Variants in GRID2 observed in about 807,000 individuals in gnomAD.
GRID2 encodes the protein glutamate ionotropic receptor delta type subunit 2.
A neutral mutation model predicts 114.8 loss-of-function variants in GRID2; 33 were observed. That is an observed-to-expected ratio of 0.29 (90% CI 0.22 to 0.38). The LOEUF (loss-of-function observed/expected upper bound fraction) is 0.38, where lower values mean the gene tolerates loss of function less well. Among genes scored for constraint, GRID2 ranks in the 10% least tolerant of loss-of-function variants. The pLI, the probability that GRID2 is intolerant of heterozygous loss-of-function variation, is 1.00. For synonymous variants in GRID2, 505 were observed against 449.9 expected (o/e 1.12, Z -1.55); for missense variants, 1,184 against 1,257.7 (o/e 0.94, Z 0.89).
chr4:93,409,773 C>T (rs2149350721), intron 9 of GRID2, among the ~76,000 whole-genome samples: 1 of 152,300 alleles, frequency 6.6e-6, no homozygotes, highest in South Asian at 2.1e-4. Context: ...CACCAGAGGG[C>T]ATTGGATTCA....
chr4:92,700,875 C>G (rs1734640740), intron 2 of GRID2, among the ~76,000 whole-genome samples: 1 of 151,864 alleles, frequency 6.6e-6, no homozygotes, highest in African/African-American at 2.4e-5. Flanking sequence ...GCCTGTAGTC[C>G]CAGCTACGCG....
At chr4:93,503,529 T>A (rs1456164940) in intron 12 of GRID2, among the ~76,000 whole-genome samples, 1 of 138,550 alleles carries the variant, frequency 7.2e-6, no homozygotes. Flanking sequence ...CCTGTGTCCA[T>A]GTGTTCTCAT....
At chr4:93,236,256 T>C (rs532311730) in intron 7 of GRID2, among the ~76,000 whole-genome samples, 2 of 151,930 alleles carry the variant, frequency 1.3e-5, no homozygotes, top group Non-Finnish European at 2.9e-5. Context: ...CCGGAATAGA[T>C]TGGCAAGAAT....
At chr4:93,303,423 T>C (rs2149172025) in intron 8 of GRID2, among the ~76,000 whole-genome samples, 1 of 152,276 alleles carries the variant, frequency 6.6e-6, no homozygotes, top group African/African-American at 2.4e-5. Context: ...TTCCAGAGAA[T>C]TGTTTACATT....
intron 8 of GRID2, among the ~76,000 whole-genome samples, chr4:93,250,264 A>T (rs180984238): frequency 6.6e-6 from 1 of 152,152 alleles, no homozygotes; most frequent in Non-Finnish European, 1.5e-5. Flanking sequence ...CAAACACTGC[A>T]TGTTCTCACT....
intron 1 of GRID2, among the ~76,000 whole-genome samples, chr4:92,534,130 T>A (rs1281596908): frequency 2.0e-5 from 3 of 152,066 alleles, no homozygotes; most frequent in African/African-American, 7.2e-5. Context: ...GTCTAACAAT[T>A]TCTTATTTTT....
chr4:92,461,160 T>C (rs1052556011), intron 1 of GRID2, among the ~76,000 whole-genome samples: 5 of 151,884 alleles, frequency 3.3e-5, no homozygotes, highest in Non-Finnish European at 5.9e-5. Flanking sequence ...AAGTAAAATA[T>C]TTTATCAGGT....
chr4:92,311,809 G>T (rs1436892450), intron 1 of GRID2, among the ~76,000 whole-genome samples: 1 of 151,912 alleles, frequency 6.6e-6, no homozygotes, highest in African/African-American at 2.4e-5. Context: ...ATTTTATTCT[G>T]AATTTACTCT....
chr4:93,345,286 A>G (rs1002020804), intron 8 of GRID2, among the ~76,000 whole-genome samples: 1 of 152,018 alleles, frequency 6.6e-6, no homozygotes, highest in African/African-American at 2.4e-5. Context: ...GTCTATAAGC[A>G]TTCCCTTTTG....
intron 2 of GRID2, among the ~76,000 whole-genome samples, chr4:92,894,279 C>A (rs1444044479): frequency 9.9e-5 from 15 of 151,960 alleles, no homozygotes; most frequent in Admixed American, 9.8e-4. Context: ...TTAGCTTTTC[C>A]ATGATTGGAT....
chr4:93,450,842 C>G (rs1722621056), intron 10 of GRID2, among the ~76,000 whole-genome samples: 1 of 151,398 alleles, frequency 6.6e-6, no homozygotes, highest in Non-Finnish European at 1.5e-5. Flanking sequence ...TAGTAGATGC[C>G]TAATTATCTT....
chr4:92,553,611 T>C (rs1307080324), intron 1 of GRID2, among the ~76,000 whole-genome samples: 6 of 152,152 alleles, frequency 3.9e-5, no homozygotes, highest in Non-Finnish European at 8.8e-5. Context: ...CATCTATTAT[T>C]AATGACATAC....
intron 2 of GRID2, among the ~76,000 whole-genome samples, chr4:92,639,989 T>A (rs1731265977): frequency 6.6e-6 from 1 of 151,746 alleles, no homozygotes; most frequent in African/African-American, 2.4e-5. Flanking sequence ...ACACAGACAC[T>A]TCGGCTGAAA....
chr4:92,912,819 AG>A (rs1174056129), intron 2 of GRID2, among the ~76,000 whole-genome samples: 1 of 151,880 alleles, frequency 6.6e-6, no homozygotes, highest in Non-Finnish European at 1.5e-5. Flanking sequence ...TTCCAAAAAA[AG>A]TGCATAAATA....
At chr4:92,762,647 G>T (rs1044422329) in intron 2 of GRID2, among the ~76,000 whole-genome samples, 1 of 152,138 alleles carries the variant, frequency 6.6e-6, no homozygotes, top group Non-Finnish European at 1.5e-5. Context: ...CCCTCAAAAA[G>T]TTGTATGCAG....
chr4:92,827,454 G>C, intron 2 of GRID2, among the ~76,000 whole-genome samples: 1 of 149,356 alleles, frequency 6.7e-6, no homozygotes, highest in East Asian at 2.0e-4. Flanking sequence ...TGTCCCTTCT[G>C]TCTTTATTTG....
rs1349023242 is a variant in GRID2, at chr4:92,652,806, A to AT, written c.244+62520_244+62521insT. Reference sequence around the variant, plus strand: ...GCCTGGCCAAGATGGTGAAAAAAAAAATATATATATATATATAAATATATA... The same window carrying AT: ...GCCTGGCCAAGATGGTGAAAAAAAAATATATATATATATATATAAATATATA... On this transcript the variant is annotated intron_variant, in intron 2 of 15. Coordinates refer to ENST00000282020, the MANE Select transcript of GRID2 (RefSeq NM_001510.4). Among the ~76,000 whole-genome samples, 276 of 136,078 alleles carry AT rather than the reference A, an allele frequency of 2.0e-3. 12 individuals are homozygous for AT. Among genetic ancestry groups the AT allele is most frequent in the African/African-American group, 2.5e-3 (91 of 36,638 alleles). The allele number at this position is 136,078 out of a possible 152,430, so 89.3% of individuals were successfully genotyped here. A position where few individuals can be genotyped will look rare whatever the true frequency, so the allele number is the denominator to read the frequency against.
chr4:93,655,134 G>A (rs995843263), intron 14 of GRID2, among the ~76,000 whole-genome samples: 6 of 152,104 alleles, frequency 3.9e-5, no homozygotes, highest in African/African-American at 1.4e-4. Flanking sequence ...TTTCTCTGCC[G>A]ATAGGGATGG....
intron 14 of GRID2, among the ~76,000 whole-genome samples, chr4:93,629,206 T>C (rs2149695094): frequency 6.6e-6 from 1 of 152,316 alleles, no homozygotes; most frequent in Non-Finnish European, 1.5e-5. Flanking sequence ...TCTCAGAAAA[T>C]GTACTCTAGT....
Sources: allele counts gnomAD v4.1 joint callset (sites outside exome capture counted in the v4.1 genomes callset), GRCh38; gene constraint gnomAD v4.1.1; transcripts MANE v1.5; gene names NCBI Gene and HGNC (gene_info 2026-07-23, HGNC 2026-07-21).